ABTB3: variants seen among roughly 807,000 people sequenced by gnomAD.
ABTB3 encodes the protein ankyrin repeat- and BTB/POZ domain-containing protein 3.
At chr12:107,643,604 G>T in the ABTB3 span, among the ~76,000 whole-genome samples, 2 of 148,788 alleles carry the variant, frequency 1.3e-5, no homozygotes, top group African/African-American at 5.0e-5. Flanking sequence ...AGTGGTCATA[G>T]CCCTTTCCTG....
At chr12:107,528,081 G>A in the ABTB3 span, among the ~76,000 whole-genome samples, 1 of 152,322 alleles carries the variant, frequency 6.6e-6, no homozygotes, top group Non-Finnish European at 1.5e-5. Context: ...CAGTGAAGGT[G>A]CTGTATCAGC....
the ABTB3 span, among the ~76,000 whole-genome samples, chr12:107,332,926 G>A: frequency 2.0e-5 from 3 of 152,236 alleles, no homozygotes; most frequent in Non-Finnish European, 4.4e-5. Flanking sequence ...AGATGAGACA[G>A]CAATAAACTA....
At chr12:107,377,420 TGTGTG>T in the ABTB3 span, among the ~76,000 whole-genome samples, 1 of 12,206 alleles carries the variant, frequency 8.2e-5, no homozygotes, top group South Asian at 1.7e-3. Flanking sequence ...CAAGAGTGTG[TGTGTG>T]TGTGTGTGTG....
At chr12:107,393,480 C>T in the ABTB3 span, among the ~76,000 whole-genome samples, 6 of 152,268 alleles carry the variant, frequency 3.9e-5, no homozygotes, top group South Asian at 6.2e-4. Context: ...AGAACTTAGA[C>T]GCCAGCTGCC....
chr12:107,489,578 T>C, the ABTB3 span, among the ~76,000 whole-genome samples: 2 of 152,072 alleles, frequency 1.3e-5, no homozygotes, highest in Non-Finnish European at 2.9e-5. Context: ...GATCCCATGC[T>C]TCAATTTTCA....
the ABTB3 span, among the ~76,000 whole-genome samples, chr12:107,341,022 G>C: frequency 6.6e-6 from 1 of 152,146 alleles, no homozygotes; most frequent in Non-Finnish European, 1.5e-5. Context: ...TGTAATGCAG[G>C]CTGCGAACAG....
chr12:107,465,193 GCATGCCGTCTGCCCTC>G, the ABTB3 span, among the ~76,000 whole-genome samples: 25 of 152,272 alleles, frequency 1.6e-4, no homozygotes, highest in African/African-American at 6.0e-4. Flanking sequence ...CTCAGGCAGA[GCATGCCGTCTGCCCTC>G]CAGTGCCCCG....
chr12:107,401,617 C>T, the ABTB3 span, among the ~76,000 whole-genome samples: 6 of 152,136 alleles, frequency 3.9e-5, no homozygotes, highest in East Asian at 1.2e-3. Flanking sequence ...GAGCGGATGC[C>T]CTGGGGTTAA....
chr12:107,478,804 T>C, the ABTB3 span, among the ~76,000 whole-genome samples: 1 of 152,048 alleles, frequency 6.6e-6, no homozygotes. Context: ...TTCCTTGCCC[T>C]GAATGAGAAG....
At chr12:107,639,632 G>A in the ABTB3 span, among the ~76,000 whole-genome samples, 1 of 152,166 alleles carries the variant, frequency 6.6e-6, no homozygotes, top group Non-Finnish European at 1.5e-5. Flanking sequence ...CAGGTCTCAA[G>A]GGCTGAAATG....
At chr12:107,553,197 T>C in the ABTB3 span, among the ~76,000 whole-genome samples, 3 of 152,240 alleles carry the variant, frequency 2.0e-5, no homozygotes, top group Non-Finnish European at 4.4e-5. Context: ...GATTATTCTC[T>C]ACTCCCTTAA....
At chr12:107,469,912 T>C in the ABTB3 span, among the ~76,000 whole-genome samples, 2 of 111,208 alleles carry the variant, frequency 1.8e-5, no homozygotes, top group East Asian at 2.8e-4. Flanking sequence ...CTTTCTTTCT[T>C]TCTTTCTTTC....
At chr12:107,601,495 T>C in the ABTB3 span, among the ~76,000 whole-genome samples, 3 of 152,224 alleles carry the variant, frequency 2.0e-5, no homozygotes, top group Non-Finnish European at 4.4e-5. Context: ...TCGGGCCTTT[T>C]GTGGTACAGG....
chr12:107,635,328 G>A, the ABTB3 span: 2 of 1,613,942 alleles, frequency 1.2e-6, no homozygotes, highest in Non-Finnish European at 1.7e-6. Flanking sequence ...TTCACACACT[G>A]CTACGGGCCC....
chr12:107,370,895 C>T, the ABTB3 span, among the ~76,000 whole-genome samples: 9 of 147,496 alleles, frequency 6.1e-5, no homozygotes, highest in African/African-American at 1.2e-4. Flanking sequence ...AAGTTGTTTT[C>T]GACCCAGCAC....
At chr12:107,367,621 C>T in the ABTB3 span, among the ~76,000 whole-genome samples, 55 of 152,302 alleles carry the variant, frequency 3.6e-4, no homozygotes, top group African/African-American at 1.1e-3. Flanking sequence ...ATTCTCGTGC[C>T]TCAGCCTCCG....
chr12:107,362,173 C>T, the ABTB3 span, among the ~76,000 whole-genome samples: 1 of 152,204 alleles, frequency 6.6e-6, no homozygotes, highest in African/African-American at 2.4e-5. Flanking sequence ...CAGTTGGCTT[C>T]CTGATACTGA....
At chr12:107,438,494 T>G in the ABTB3 span, among the ~76,000 whole-genome samples, 7 of 152,334 alleles carry the variant, frequency 4.6e-5, no homozygotes, top group East Asian at 1.3e-3. Context: ...TGCTGCTCTC[T>G]GAGCCTACCA....
the ABTB3 span, among the ~76,000 whole-genome samples, chr12:107,370,472 G>T: frequency 1.3e-5 from 2 of 152,242 alleles, no homozygotes; most frequent in East Asian, 3.9e-4. Context: ...TCAGAGTGTG[G>T]CTCTTGCCTG....
Sources: allele counts gnomAD v4.1 joint callset (sites outside exome capture counted in the v4.1 genomes callset), GRCh38; gene constraint gnomAD v4.1.1; transcripts MANE v1.5; gene names NCBI Gene and HGNC (gene_info 2026-07-23, HGNC 2026-07-21).